NCOA1: variants seen among roughly 807,000 people sequenced by gnomAD.
The protein encoded by NCOA1 is Hin-2 protein.
In NCOA1, 35 loss-of-function variants were observed where a neutral mutation model predicts 150.9. The ratio of observed to expected loss-of-function variants is 0.23; its 90% CI spans 0.18 to 0.31. The LOEUF (loss-of-function observed/expected upper bound fraction) is 0.31. Ranked by LOEUF, NCOA1 falls within the 10% of genes least tolerant of loss-of-function variation. The pLI, the probability that NCOA1 is intolerant of heterozygous loss-of-function variation, is 1.00. For synonymous variants in NCOA1, 590 were observed against 630.0 expected (o/e 0.94, Z 0.95); for missense variants, 1,491 against 1,749.3 (o/e 0.85, Z 2.63).
Position 24,739,643 on chromosome 2 carries a change from T to C in NCOA1, c.3303+110T>C. ...GGTCTGTGAGCTGATCTTTTAATGA[T>C]GTTTGTAGTGTAGTTTTCTTTGAGA... On this transcript the variant is annotated intron_variant, in intron 18 of 22. Transcript: ENST00000348332. The C allele has an allele frequency of 5.7e-6, 4 of 696,314 alleles. No individual in the cohort carries two copies. In the East Asian group the frequency reaches 1.1e-4, roughly 19 times the overall value. 43.1% of individuals were successfully genotyped at this position (696,314 alleles called of 1,614,324 possible).
intron 3 of NCOA1, among the ~76,000 whole-genome samples, chr2:24,621,366 A>G (rs976796933): frequency 7.1e-6 from 1 of 141,438 alleles, no homozygotes; most frequent in Non-Finnish European, 1.5e-5. Context: ...TTCAGTGTCT[A>G]ATTGAACATT....
At chr2:24,554,587 C>T (rs1665993089) in intron 1 of NCOA1, 1 of 152,178 alleles carries the variant, frequency 6.6e-6, no homozygotes, top group Non-Finnish European at 1.5e-5. Context: ...AGTCCAGAAA[C>T]CTTTGACTAA....
chr2:24,605,669 G>A (rs573899690), intron 3 of NCOA1, among the ~76,000 whole-genome samples: 1 of 152,206 alleles, frequency 6.6e-6, no homozygotes, highest in South Asian at 2.1e-4. Context: ...TGTGGCAGAG[G>A]GTGGCTAGAT....
intron 4 of NCOA1, among the ~76,000 whole-genome samples, chr2:24,650,288 AT>A (rs879559926): frequency 3.9e-5 from 6 of 152,146 alleles, no homozygotes; most frequent in Non-Finnish European, 5.9e-5. Context: ...AATATCTAGT[AT>A]TCAACAAAAA....
intron 1 of NCOA1, among the ~76,000 whole-genome samples, chr2:24,541,478 C>T (rs918113217): frequency 5.3e-5 from 8 of 152,170 alleles, no homozygotes; most frequent in Non-Finnish European, 1.2e-4. Flanking sequence ...ATAAAACTCT[C>T]TTTTATACAG....
intron 11 of NCOA1, among the ~76,000 whole-genome samples, chr2:24,699,297 C>T (rs891455230): frequency 4.6e-5 from 7 of 152,172 alleles, no homozygotes; most frequent in South Asian, 4.1e-4. Context: ...AATTTACGTA[C>T]ATTTTCACTA....
At chr2:24,705,348 A>T (rs1673367037) in intron 12 of NCOA1, 115 bp downstream of exon 12, 1 of 1,052,318 alleles carries the variant, frequency 9.5e-7, no homozygotes, top group Admixed American at 2.2e-5. Context: ...TAGGCGTAAA[A>T]CTAGTGTGAT....
At chr2:24,683,190 T>G (rs570268953) in intron 8 of NCOA1, 62 bp downstream of exon 8, 2 of 916,494 alleles carry the variant, frequency 2.2e-6, no homozygotes, top group Non-Finnish European at 3.0e-6. Flanking sequence ...TTATATAATA[T>G]GTATAATATG....
intron 3 of NCOA1, among the ~76,000 whole-genome samples, chr2:24,599,691 C>T (rs957444842): frequency 6.6e-6 from 1 of 150,722 alleles, no homozygotes; most frequent in Non-Finnish European, 1.5e-5. Context: ...AACTTATATA[C>T]AGCCCTTCTA....
At chr2:24,755,435 C>T (rs1664450612) in intron 20 of NCOA1, among the ~76,000 whole-genome samples, 1 of 152,362 alleles carries the variant, frequency 6.6e-6, no homozygotes, top group Non-Finnish European at 1.5e-5. Context: ...CAGGGACTCC[C>T]CTGCTTGTTA....
At chr2:24,639,681 G>A (rs1190370095) in intron 3 of NCOA1, among the ~76,000 whole-genome samples, 1 of 151,650 alleles carries the variant, frequency 6.6e-6, no homozygotes, top group East Asian at 1.9e-4. Flanking sequence ...GAGGTCAGGA[G>A]TTCAAGACCA....
chr2:24,693,390 T>C, intron 10 of NCOA1, 43 bp downstream of exon 10: 1 of 1,503,974 alleles, frequency 6.6e-7, no homozygotes, highest in Middle Eastern at 1.7e-4. Context: ...GTATTAATAA[T>C]GTGACTCTGC....
At position 24,728,301 on chromosome 2, in the gene NCOA1, C is replaced by T. The variant is rs1572649628; in HGVS notation, c.2718-7C>T. 2.5e-6 allele frequency: 4 copies of T among 1,597,930 alleles called. No homozygotes were observed. The highest frequency in any genetic ancestry group is 3.4e-6 in the Non-Finnish European group (4 of 1,173,390). On this transcript the variant is annotated splice_polypyrimidine_tract_variant and splice_region_variant and intron_variant, in intron 15 of 22. Coordinates refer to ENST00000348332, the MANE Select transcript of NCOA1 (RefSeq NM_003743.5). ...GTCTGAAACTTTCTTGTTTTTTAAT[C>T]CTGCAGCCAGTGTATTAGCTCACAA...
intron 4 of NCOA1, among the ~76,000 whole-genome samples, chr2:24,654,649 T>A (rs1426449701): frequency 1.3e-5 from 2 of 152,180 alleles, no homozygotes; most frequent in African/African-American, 4.8e-5. Flanking sequence ...CTGTTGTTAA[T>A]CCTCCAGTGA....
In NCOA1 at chr2:24,705,020, C is replaced by G. The variant is rs1572617678; in HGVS notation, c.950-66C>G. The G allele has an allele frequency of 2.6e-6, 4 of 1,524,194 alleles. No homozygotes were observed. The African/African-American group carries it at 4.1e-5, about 16-fold the overall frequency. The allele number at this position is 1,524,194 out of a possible 1,614,324, so 94.4% of individuals were successfully genotyped here. On this transcript the variant is annotated intron_variant, in intron 11 of 22. Transcript: ENST00000348332. ...ATGAGGTTCTAAGTAGAAATAAAAC[C>G]TGGTGACTTAAAGCCAGCGTATAAG...
chr2:24,553,538 A>G (rs570045490), intron 1 of NCOA1, among the ~76,000 whole-genome samples: 43 of 152,032 alleles, frequency 2.8e-4, no homozygotes, highest in Non-Finnish European at 4.6e-4. Flanking sequence ...TTTTTTCCCC[A>G]TTAATTAAGA....
chr2:24,665,016 G>A (rs1037969376), intron 5 of NCOA1, among the ~76,000 whole-genome samples: 2 of 152,180 alleles, frequency 1.3e-5, no homozygotes, highest in African/African-American at 2.4e-5. Context: ...ATGAATCATA[G>A]TCATTCAGTA....
At chr2:24,763,471 C>G (rs1431730733) in intron 22 of NCOA1, among the ~76,000 whole-genome samples, 1 of 140,426 alleles carries the variant, frequency 7.1e-6, no homozygotes, top group East Asian at 2.2e-4. Context: ...CCCCGGGGGG[C>G]GGAGCCTGCA....
intron 1 of NCOA1, among the ~76,000 whole-genome samples, chr2:24,494,857 T>C (rs1448217047): frequency 6.6e-6 from 1 of 152,206 alleles, no homozygotes; most frequent in East Asian, 1.9e-4. Context: ...TTTTTAAAAT[T>C]GCTTCTTTCC....
Sources: gnomAD v4.1 joint callset for allele counts (sites outside exome capture counted in the v4.1 genomes callset) on GRCh38, gnomAD v4.1.1 for gene constraint, MANE v1.5 for transcripts, NCBI Gene and HGNC (gene_info 2026-07-23, HGNC 2026-07-21) for gene names.